The following TRRAP variants were observed in gnomAD, a reference collection of about 807,000 sequenced individuals.
TRRAP encodes transformation/transcription domain associated protein, also known as transformation/transcription domain-associated protein.
Under a neutral mutation model 438.8 loss-of-function variants are expected in TRRAP, and 41 were observed. The observed-to-expected ratio is 0.09, with a 90% CI of 0.07 to 0.12. The LOEUF (loss-of-function observed/expected upper bound fraction) is 0.12. TRRAP is among the 10% of genes least tolerant of loss of function. The probability of loss-of-function intolerance (pLI) is 1.00; values close to 1 mark genes in which losing one functional copy is unlikely to be tolerated. For missense variants in TRRAP, 3,122 were observed against 5,055.1 expected (o/e 0.62, Z 11.60); for synonymous variants, 1,994 against 1,962.9 (o/e 1.02, Z -0.42).
intron 60 of TRRAP, 71 bp downstream of exon 60, chr7:98,983,530 CTG>C: frequency 1.3e-6 from 2 of 1,565,524 alleles, no homozygotes; most frequent in Non-Finnish European, 8.7e-7. Flanking sequence ...GGTTTCGTCT[CTG>C]TGTTTTGGTT....
At chr7:98,957,923 C>G in intron 43 of TRRAP, 58 bp from the exon 44 acceptor site, 1 of 1,502,520 alleles carries the variant, frequency 6.7e-7, no homozygotes, top group African/African-American at 1.4e-5. Flanking sequence ...AAAGTCAAGC[C>G]TGGGTTGGAA....
intron 65 of TRRAP, among the ~76,000 whole-genome samples, chr7:98,992,644 T>TA (rs912009897): frequency 1.3e-5 from 2 of 152,100 alleles, no homozygotes; most frequent in African/African-American, 4.8e-5. Flanking sequence ...AAGTCAGTCT[T>TA]ACCAGATGTT....
At chr7:98,932,784 A>AT (rs1790382024) in intron 26 of TRRAP, among the ~76,000 whole-genome samples, 1 of 152,018 alleles carries the variant, frequency 6.6e-6, no homozygotes, top group Non-Finnish European at 1.5e-5. Context: ...TTGTCACGTT[A>AT]TTTTTTATTT....
At chr7:98,993,421 A>T in intron 65 of TRRAP, 117 bp from the exon 66 acceptor site, 1 of 1,111,714 alleles carries the variant, frequency 9.0e-7, no homozygotes, top group Non-Finnish European at 1.3e-6. Flanking sequence ...GCGGTCTTGT[A>T]GGGATTCACA....
rs184007631 is a variant in TRRAP at position 99,005,099 on chromosome 7, G to A, written c.10536-32G>A. On this transcript the variant is annotated intron_variant, in intron 68 of 72. Coordinates refer to ENST00000456197, the MANE Select transcript of TRRAP (RefSeq NM_001375524.1). The surrounding 1 kb of genome is among the most constrained non-coding windows in gnomAD (Gnocchi z 5.1). ...GACAAGGACTGGTAGCAGAGATGCA[G>A]GGCATGTCCTCATGGCTTCTCGCTC... 317 of 1,605,984 alleles carry A rather than the reference G, an allele frequency of 2.0e-4. 1 individual carries two copies. The highest frequency in any genetic ancestry group is 1.0e-3 in the Admixed American group (61 of 60,016).
intron 1 of TRRAP, among the ~76,000 whole-genome samples, chr7:98,880,306 C>G (rs1795370641): frequency 1.4e-5 from 2 of 139,696 alleles, no homozygotes; most frequent in South Asian, 2.5e-4. Context: ...CTCTATTGCC[C>G]AGGATGGAGT....
chr7:98,895,715 T>G (rs1554405620), intron 6 of TRRAP, 49 bp from the exon 7 acceptor site: 3 of 1,487,626 alleles, frequency 2.0e-6, no homozygotes. Context: ...TTATGGGTAT[T>G]TTCTGTTTAT....
At chr7:98,933,554 CAG>C in intron 27 of TRRAP, 152 bp downstream of exon 27, 3 of 1,109,518 alleles carry the variant, frequency 2.7e-6, no homozygotes, top group Non-Finnish European at 3.7e-6. Context: ...GCAACCTGAG[CAG>C]GTATGTTGCG....
In TRRAP at chr7:98,956,355, C is replaced by T. The variant is rs373892941; in HGVS notation, c.6097-44C>T. 6 of 1,613,072 alleles carry T rather than the reference C, an allele frequency of 3.7e-6. No homozygotes were observed. Among genetic ancestry groups the T allele is most frequent in the Non-Finnish European group, 5.1e-6 (6 of 1,179,456 alleles). On this transcript the variant is annotated intron_variant, in intron 42 of 72. Transcript: ENST00000456197. The surrounding 1 kb of genome is among the most constrained non-coding windows in gnomAD (Gnocchi z 4.5). ...CCCGATCGTCTTCCTTTGACTTCTC[C>T]CTAGAAATCAGTCAGTAAAACCAAG...
At position 98,961,376 on chromosome 7, in the gene TRRAP, G is replaced by A. The variant is rs2116664411; in HGVS notation, c.6605G>A (p.Arg2202His). ...AILSSFKPLQ[R>H]GIAACMTCGN... ...CTCAGTAGCTTCAAACCTCTGCAGC[G>A]TGGAATTGCCGCCTGCATGACATGT... Residue 2202 changes from arginine (R) to histidine (H), a missense_variant, in exon 46 of 73, where the codon CGT (arginine) becomes CAT (histidine). Coordinates refer to ENST00000456197, the MANE Select transcript of TRRAP (RefSeq NM_001375524.1). 1.2e-6 allele frequency: 2 copies of A among 1,614,216 alleles called. No individual in the cohort carries two copies. Among genetic ancestry groups the A allele is most frequent in the Non-Finnish European group, 1.7e-6 (2 of 1,180,036 alleles).
At chr7:98,959,562 G>T (rs1331955099) in intron 45 of TRRAP, 72 bp downstream of exon 45, 4 of 1,559,988 alleles carry the variant, frequency 2.6e-6, no homozygotes, top group Non-Finnish European at 3.5e-6. Flanking sequence ...CCTGGGCAGG[G>T]ACTGGACATT....
Position 98,994,511 on chromosome 7 carries a change from T to C in TRRAP, c.10048-76T>C. The C allele has an allele frequency of 6.3e-7, 1 of 1,589,864 alleles. No homozygotes were observed. The highest frequency in any genetic ancestry group is 1.3e-5 in the African/African-American group (1 of 74,494). On this transcript the variant is annotated intron_variant, in intron 66 of 72. Transcript: ENST00000456197. This position sits in a 1 kb window ranked among gnomAD's most constrained non-coding sequence, Gnocchi z 4.8. ...TGACCCTGGGCTGGGAGGGCCGCACTCAATAGGCGCTTTTGGCTGCTGGTT... is the reference window on the plus strand; with the variant it reads ...TGACCCTGGGCTGGGAGGGCCGCACCCAATAGGCGCTTTTGGCTGCTGGTT...
intron 50 of TRRAP, 76 bp from the exon 51 acceptor site, chr7:98,967,409 C>T (rs376701616): frequency 3.1e-5 from 47 of 1,511,932 alleles, no homozygotes; most frequent in Admixed American, 5.2e-5. Flanking sequence ...TTCACATCCA[C>T]GTTCACCTGT....
At position 98,941,847 on chromosome 7, in the gene TRRAP, C is replaced by CA. The variant is rs148059028; in HGVS notation, c.4405-1099dup. Among the ~76,000 whole-genome samples, 1,212 of 152,280 alleles carry CA rather than the reference C, an allele frequency of 8.0e-3. 10 individuals carry two copies. The highest frequency in any genetic ancestry group is 0.025 in the African/African-American group (1,046 of 41,550). On this transcript the variant is annotated intron_variant, in intron 30 of 72. Transcript: ENST00000456197. The stretch of plus-strand genomic sequence containing the variant: ...CGTAAGGTTGGGAAACGCGGCTTCT[C>CA]AAAGTTTGACATGGACTGTAAGGAC...
chr7:98,885,047 A>G (rs985440130), intron 3 of TRRAP, among the ~76,000 whole-genome samples: 1 of 152,102 alleles, frequency 6.6e-6, no homozygotes, highest in Non-Finnish European at 1.5e-5. Context: ...TCTCACATAT[A>G]AGCATGAAAC....
At chr7:98,888,817 C>T (rs1795833188) in intron 3 of TRRAP, among the ~76,000 whole-genome samples, 1 of 152,150 alleles carries the variant, frequency 6.6e-6, no homozygotes, top group African/African-American at 2.4e-5. Flanking sequence ...TATCCCCCCT[C>T]ATGGTTCTGT....
At position 98,956,350 on chromosome 7, in the gene TRRAP, T is replaced by C. The variant is rs782222648; in HGVS notation, c.6096+46T>C. 9.9e-6 allele frequency: 16 copies of C among 1,613,204 alleles called. No homozygotes were observed. Among genetic ancestry groups the C allele is most frequent in the African/African-American group, 2.7e-5 (2 of 74,894 alleles). Reference sequence around the variant, plus strand: ...GGTGCCCCGATCGTCTTCCTTTGACTTCTCCCTAGAAATCAGTCAGTAAAA... The same window carrying C: ...GGTGCCCCGATCGTCTTCCTTTGACCTCTCCCTAGAAATCAGTCAGTAAAA... On this transcript the variant is annotated intron_variant, in intron 42 of 72. Transcript: ENST00000456197. The surrounding 1 kb of genome is among the most constrained non-coding windows in gnomAD (Gnocchi z 4.5).
At position 98,953,154 on chromosome 7, in the gene TRRAP, T is replaced by G; in HGVS notation, c.5464-13T>G. ...ACAACTGGAAATGAGTCCTTCCTGC[T>G]GTCCCTGCACAGGTCCTGGACCCCG... is the stretch of plus-strand genomic sequence containing the variant. On this transcript the variant is annotated splice_polypyrimidine_tract_variant and intron_variant, in intron 39 of 72. Transcript: ENST00000456197. 2 of 1,605,310 alleles carry G rather than the reference T, an allele frequency of 1.2e-6. No homozygotes were observed.
Position 98,908,629 on chromosome 7 carries a change from G to C in TRRAP, c.1116-99G>C, listed in dbSNP as rs2116397283. The C allele has an allele frequency of 9.2e-7, 1 of 1,084,002 alleles. No homozygotes were observed. Among genetic ancestry groups the C allele is most frequent in the East Asian group, 2.6e-5 (1 of 38,568 alleles). 67.1% of individuals were successfully genotyped at this position (1,084,002 alleles called of 1,614,324 possible). ...TGGGCCATGTAAGTGTGCCGACCCA[G>C]GGGTGGTGTTCCTGGGGCAGATGGT... On this transcript the variant is annotated intron_variant, in intron 13 of 72. Coordinates refer to ENST00000456197, the MANE Select transcript of TRRAP (RefSeq NM_001375524.1). The surrounding 1 kb of genome is among the most constrained non-coding windows in gnomAD (Gnocchi z 4.1).
Sources: gnomAD v4.1 joint callset for allele counts (sites outside exome capture counted in the v4.1 genomes callset) on GRCh38, gnomAD v4.1.1 for gene constraint, Gnocchi (gnomAD v3.1) non-coding constraint, MANE v1.5 for transcripts, NCBI Gene and HGNC (gene_info 2026-07-23, HGNC 2026-07-21) for gene names.